The following PLCH1 variants were observed in gnomAD, a reference collection of about 807,000 sequenced individuals.
PLCH1 encodes the protein 1-phosphatidylinositol 4,5-bisphosphate phosphodiesterase eta-1.
PLCH1 carries 60 observed loss-of-function variants against 126.7 expected under a neutral mutation model. The observed-to-expected ratio is 0.47, with a 90% CI of 0.38 to 0.59. The LOEUF is 0.59. PLCH1 is among the 20% of genes least tolerant of loss of function. The probability of loss-of-function intolerance (pLI) is 0.00; values close to 1 mark genes in which losing one functional copy is unlikely to be tolerated. For missense variants in PLCH1, 1,723 were observed against 2,040.0 expected (o/e 0.84, Z 2.99); for synonymous variants, 719 against 734.9 (o/e 0.98, Z 0.35).
intron 2 of PLCH1, among the ~76,000 whole-genome samples, chr3:155,597,440 T>G (rs994167460): frequency 6.6e-6 from 1 of 152,220 alleles, no homozygotes; most frequent in South Asian, 2.1e-4. Flanking sequence ...TATTTTTTTA[T>G]TATATCAACC....
intron 14 of PLCH1, among the ~76,000 whole-genome samples, chr3:155,498,432 T>C (rs927531145): frequency 5.9e-5 from 9 of 152,214 alleles, no homozygotes; most frequent in Non-Finnish European, 1.3e-4. Context: ...TGTGGTTTTA[T>C]TCACTGCTCT....
chr3:155,490,667 C>T, intron 19 of PLCH1, 117 bp downstream of exon 19: 1 of 610,550 alleles, frequency 1.6e-6, no homozygotes, highest in East Asian at 2.8e-5. Flanking sequence ...AACATAAACT[C>T]AGATGGGAGT....
rs191006990 is a variant in PLCH1 at position 155,649,110 on chromosome 3, G to C, written c.80-52732C>G. ...TGGGGGACAGTCTGGAGGGCAAGAG[G>C]GGGGCTCAGAGGGCAATTCGAGAAA... On this transcript the variant is annotated intron_variant, in intron 2 of 22. Transcript: ENST00000460012. Among the ~76,000 whole-genome samples the C allele has an allele frequency of 8.5e-5, 13 of 152,256 alleles. No homozygotes were observed. In the East Asian group the frequency reaches 2.3e-3, roughly 27 times the overall value.
chr3:155,742,818 A>G, intron 1 of PLCH1: 1 of 154,072 alleles, frequency 6.5e-6, no homozygotes, highest in Admixed American at 6.4e-5. Context: ...TAATCATTTG[A>G]AAAGTGGTAT....
intron 2 of PLCH1, among the ~76,000 whole-genome samples, chr3:155,623,539 GA>G (rs1380677282): frequency 6.6e-6 from 1 of 151,876 alleles, no homozygotes; most frequent in East Asian, 1.9e-4. Flanking sequence ...AAAGAAAGAA[GA>G]ATCAAATAGA....
At chr3:155,687,925 T>C (rs1267973217) in intron 2 of PLCH1, among the ~76,000 whole-genome samples, 1 of 152,188 alleles carries the variant, frequency 6.6e-6, no homozygotes, top group Non-Finnish European at 1.5e-5. Flanking sequence ...TGTCTAAACA[T>C]CCTTTGGATT....
chr3:155,561,583 G>A (rs1046173185), intron 8 of PLCH1, among the ~76,000 whole-genome samples: 3 of 151,846 alleles, frequency 2.0e-5, no homozygotes, highest in African/African-American at 4.8e-5. Context: ...GAATAATGCC[G>A]CAATAAACAT....
At chr3:155,554,301 C>T in intron 8 of PLCH1, 105 bp from the exon 9 acceptor site, 1 of 1,048,484 alleles carries the variant, frequency 9.5e-7, no homozygotes, top group South Asian at 1.6e-5. Context: ...AAATTATACC[C>T]ATTTCAATCC....
chr3:155,626,111 C>A (rs915957698), intron 2 of PLCH1, among the ~76,000 whole-genome samples: 2 of 151,820 alleles, frequency 1.3e-5, no homozygotes, highest in East Asian at 3.9e-4. Flanking sequence ...TCATTCTCAG[C>A]AAACTAACAC....
At position 155,494,166 on chromosome 3, in the gene PLCH1, G is replaced by C; in HGVS notation, c.2157C>G (p.Val719=). ...CTTTGCACATTTGCTGGGGTTTGAG[G>C]ACATAGCCACAATTGCCATTTGCCT... is the stretch of plus-strand genomic sequence containing the variant. ...KFKANGNCGY[V]LKPQQMCKGT... is the part of the protein sequence containing the mutation. Residue 719 remains valine (V), a synonymous_variant, in exon 17 of 23, where the codon GTC becomes GTG. Coordinates refer to ENST00000460012, the MANE Select transcript of PLCH1 (RefSeq NM_014996.4). 1 of 1,613,778 alleles carries C rather than the reference G, an allele frequency of 6.2e-7. No individual in the cohort carries two copies. Among genetic ancestry groups the C allele is most frequent in the African/African-American group, 1.3e-5 (1 of 75,030 alleles).
intron 12 of PLCH1, 42 bp from the exon 13 acceptor site, chr3:155,504,668 C>T (rs1718402505): frequency 1.5e-6 from 2 of 1,367,110 alleles, no homozygotes; most frequent in Non-Finnish European, 2.1e-6. Context: ...ATCTTCTTTG[C>T]TTTTGTCTTT....
At chr3:155,690,064 A>G (rs1383286992) in intron 2 of PLCH1, among the ~76,000 whole-genome samples, 1 of 152,082 alleles carries the variant, frequency 6.6e-6, no homozygotes, top group African/African-American at 2.4e-5. Flanking sequence ...AAAAAAAGAA[A>G]AGAACATACA....
chr3:155,614,999 C>T (rs966395148), intron 2 of PLCH1, among the ~76,000 whole-genome samples: 14 of 151,954 alleles, frequency 9.2e-5, no homozygotes, highest in African/African-American at 3.4e-4. Context: ...AAATGGAAAA[C>T]CCAAAAAGTG....
intron 8 of PLCH1, among the ~76,000 whole-genome samples, chr3:155,556,278 G>A (rs1015814909): frequency 7.9e-5 from 12 of 152,130 alleles, no homozygotes; most frequent in African/African-American, 1.4e-4. Context: ...GCTTGAACCC[G>A]GGAGGTGGAG....
At position 155,482,249 on chromosome 3, in the gene PLCH1, G is replaced by A; in HGVS notation, c.3777C>T (p.Thr1259=). Residue 1259 remains threonine (T), a synonymous_variant, in exon 23 of 23, where the codon ACC becomes ACT. Coordinates refer to ENST00000460012, the MANE Select transcript of PLCH1 (RefSeq NM_014996.4). The stretch of plus-strand genomic sequence containing the variant: ...CATAAACTGTGTTCGTTGCATGTTT[G>A]GTGGTCTCAGAACTCGAGAGTGCTA... ...ELIALSSSET[T]KHATNTVYET... 1 of 1,614,082 alleles carries A rather than the reference G, an allele frequency of 6.2e-7. No individual in the cohort carries two copies. Among genetic ancestry groups the A allele is most frequent in the African/African-American group, 1.3e-5 (1 of 75,014 alleles).
chr3:155,684,339 C>A (rs1744774685), intron 2 of PLCH1, among the ~76,000 whole-genome samples: 1 of 152,154 alleles, frequency 6.6e-6, no homozygotes, highest in Non-Finnish European at 1.5e-5. Flanking sequence ...TCTGGGAAGT[C>A]TCTTCAGGCC....
chr3:155,483,396 T>C (rs1042428060), intron 22 of PLCH1: 2 of 1,534,086 alleles, frequency 1.3e-6, no homozygotes, highest in African/African-American at 2.8e-5. Flanking sequence ...AGCATGGCAA[T>C]AGAAACAGAA....
Position 155,657,365 on chromosome 3 carries a change from A to G in PLCH1, c.79+46781T>C, listed in dbSNP as rs377739072. Among the ~76,000 whole-genome samples the G allele has an allele frequency of 2.6e-5, 4 of 152,274 alleles. No homozygotes were observed. The East Asian group carries it at 5.8e-4, about 22-fold the overall frequency. ...AGATCAGTGGTCTCTGTCAGTTGAG[A>G]AGACAAGGCTGGGAGTCTAGGGAGG... On this transcript the variant is annotated intron_variant, in intron 2 of 22. Coordinates refer to ENST00000460012, the MANE Select transcript of PLCH1 (RefSeq NM_014996.4).
At chr3:155,591,374 C>G (rs1299370562) in intron 4 of PLCH1, among the ~76,000 whole-genome samples, 1 of 152,168 alleles carries the variant, frequency 6.6e-6, no homozygotes, top group African/African-American at 2.4e-5. Context: ...AAGTATAGTC[C>G]TGGAGGTCCC....
Sources: allele counts gnomAD v4.1 joint callset (sites outside exome capture counted in the v4.1 genomes callset), GRCh38; gene constraint gnomAD v4.1.1; transcripts MANE v1.5; gene names NCBI Gene and HGNC (gene_info 2026-07-23, HGNC 2026-07-21).